The following FGFR2 variants were observed in gnomAD, a reference collection of about 807,000 sequenced individuals.
The protein encoded by FGFR2 is BEK fibroblast growth factor receptor.
FGFR2 carries 19 observed loss-of-function variants against 95.9 expected under a neutral mutation model. That is an observed-to-expected ratio of 0.20 (90% CI 0.14 to 0.29). FGFR2 has a LOEUF of 0.29. Ranked by LOEUF, FGFR2 falls within the 10% of genes least tolerant of loss-of-function variation. FGFR2 has a pLI of 1.00. For missense variants in FGFR2, 707 were observed against 1,056.9 expected, an observed-to-expected ratio of 0.67 and a Z score of 4.59; for synonymous variants, 392 against 393.3, an observed-to-expected ratio of 1.00 and a Z score of 0.04.
At chr10:121,591,682 A>T (rs1162153156) in intron 2 of FGFR2, among the ~76,000 whole-genome samples, 3 of 152,144 alleles carry the variant, frequency 2.0e-5, no homozygotes, top group Admixed American at 2.0e-4. Context: ...TTTCCATCTC[A>T]TAATTCTGGA....
In FGFR2 at chr10:121,592,730, G is replaced by A. The variant is rs565744557; in HGVS notation, c.109+979C>T. Among the ~76,000 whole-genome samples, 3 of 152,258 alleles carry A rather than the reference G, an allele frequency of 2.0e-5. No homozygotes were observed. In the South Asian group the frequency reaches 6.2e-4, roughly 32 times the overall value. ...ACGCACGAGATGTGTTCCCAGAGCA[G>A]CTCAGCTTACCCCAGACACCACTCG... is the stretch of plus-strand genomic sequence containing the variant. On this transcript the variant is annotated intron_variant, in intron 2 of 17. Coordinates refer to ENST00000358487, the MANE Select transcript of FGFR2 (RefSeq NM_000141.5).
intron 5 of FGFR2, among the ~76,000 whole-genome samples, chr10:121,544,881 G>T (rs574873267): frequency 6.6e-6 from 1 of 152,298 alleles, no homozygotes; most frequent in African/African-American, 2.4e-5. Flanking sequence ...AGTGTCTCAA[G>T]CCTGTAATTC....
intron 2 of FGFR2, among the ~76,000 whole-genome samples, chr10:121,572,933 G>A (rs1391832715): frequency 6.6e-6 from 1 of 152,180 alleles, no homozygotes; most frequent in African/African-American, 2.4e-5. Flanking sequence ...CCCCAGGAGG[G>A]GGAAATCTTG....
chr10:121,509,374 C>T (rs998549657), intron 9 of FGFR2, among the ~76,000 whole-genome samples: 5 of 147,508 alleles, frequency 3.4e-5, no homozygotes, highest in Admixed American at 2.7e-4. Flanking sequence ...AGTAAATGTG[C>T]TTTTCGTACA....
intron 7 of FGFR2, among the ~76,000 whole-genome samples, chr10:121,519,482 A>T (rs1306119298): frequency 6.7e-6 from 1 of 148,702 alleles, no homozygotes; most frequent in African/African-American, 2.5e-5. Context: ...TGTTTTTGTT[A>T]AAAAAAAAAT....
intron 2 of FGFR2, among the ~76,000 whole-genome samples, chr10:121,592,711 G>A (rs551907334): frequency 9.9e-5 from 15 of 152,244 alleles, no homozygotes; most frequent in Non-Finnish European, 1.6e-4. Flanking sequence ...CCCCACGCAC[G>A]AGATGTGTTC....
At position 121,586,168 on chromosome 10, in the gene FGFR2, T is replaced by C. The variant is rs554025759; in HGVS notation, c.109+7541A>G. 2.0e-5 allele frequency among the ~76,000 whole-genome samples: 3 copies of C among 152,308 alleles called. No homozygotes were observed. The South Asian group carries it at 6.2e-4, about 32-fold the overall frequency. ...AGGTATACAAATGGGTCACATATAG[T>C]AATATAGGAGCTCAAGGGTTCGAAA... On this transcript the variant is annotated intron_variant, in intron 2 of 17. Transcript: ENST00000358487.
chr10:121,491,997 G>A (rs1421918462), intron 13 of FGFR2, among the ~76,000 whole-genome samples: 1 of 151,748 alleles, frequency 6.6e-6, no homozygotes, highest in Admixed American at 6.6e-5. Context: ...TGGCCAACAT[G>A]GTATGGTAAA....
At position 121,598,047 on chromosome 10, in the gene FGFR2, C is replaced by T. The variant is rs1047111; in HGVS notation, c.-236G>A. 0.79 allele frequency: 313,086 copies of T among 397,782 alleles called. 125,302 individuals are homozygous for T. The highest frequency in any genetic ancestry group is 0.84 in the Non-Finnish European group (189,844 of 225,568). The allele number at this position is 397,782 out of a possible 1,614,324, so 24.6% of individuals were successfully genotyped here. On this transcript the variant is annotated 5_prime_UTR_variant, in exon 1 of 18. Coordinates refer to ENST00000358487, the MANE Select transcript of FGFR2 (RefSeq NM_000141.5). The stretch of plus-strand genomic sequence containing the variant: ...GGAGAAAGCGACGAGCCCGGGGTTG[C>T]GGGGAGCAACTCCAAACGCAGAAGA...
chr10:121,541,667 A>G (rs984545928), intron 5 of FGFR2, among the ~76,000 whole-genome samples: 1 of 152,248 alleles, frequency 6.6e-6, no homozygotes, highest in Non-Finnish European at 1.5e-5. Context: ...AAAGATGCTT[A>G]ACCTCATTAA....
chr10:121,587,788 TTAG>T (rs547213361), intron 2 of FGFR2, among the ~76,000 whole-genome samples: 2 of 152,298 alleles, frequency 1.3e-5, no homozygotes, highest in African/African-American at 4.8e-5. Context: ...TTATATACTG[TTAG>T]TAGGAGTGCA....
intron 16 of FGFR2, among the ~76,000 whole-genome samples, chr10:121,484,309 T>C (rs1455906661): frequency 6.6e-6 from 1 of 152,222 alleles, no homozygotes. Flanking sequence ...AAGTTTTTGA[T>C]GAATTAATCT....
At chr10:121,584,993 A>AT (rs1479083685) in intron 2 of FGFR2, among the ~76,000 whole-genome samples, 2 of 150,042 alleles carry the variant, frequency 1.3e-5, no homozygotes, top group African/African-American at 4.9e-5. Flanking sequence ...AACCGATTCC[A>AT]TAACCCCTCT....
intron 1 of FGFR2, among the ~76,000 whole-genome samples, chr10:121,597,554 G>A (rs1294096719): frequency 1.3e-5 from 2 of 152,232 alleles, no homozygotes; most frequent in Non-Finnish European, 2.9e-5. Context: ...GAAGTTCCCA[G>A]GACACACGGA....
At chr10:121,591,232 G>A (rs974455924) in intron 2 of FGFR2, among the ~76,000 whole-genome samples, 1 of 152,196 alleles carries the variant, frequency 6.6e-6, no homozygotes, top group African/African-American at 2.4e-5. Flanking sequence ...CCTACAGAAA[G>A]CAAACACAGC....
chr10:121,510,638 T>TGGCTACTGA (rs1848931649), intron 9 of FGFR2, among the ~76,000 whole-genome samples: 1 of 152,072 alleles, frequency 6.6e-6, no homozygotes, highest in Admixed American at 6.5e-5. Flanking sequence ...ACCTGAGAAC[T>TGGCTACTGA]GGCTACTGAG....
At chr10:121,515,581 C>T (rs932843284) in intron 8 of FGFR2, among the ~76,000 whole-genome samples, 5 of 151,996 alleles carry the variant, frequency 3.3e-5, no homozygotes, top group Non-Finnish European at 2.9e-5. Context: ...ACAGGGCAGG[C>T]TATGAGGCCA....
chr10:121,504,323 T>A (rs771601947), intron 9 of FGFR2, among the ~76,000 whole-genome samples: 1 of 152,162 alleles, frequency 6.6e-6, no homozygotes, highest in Non-Finnish European at 1.5e-5. Context: ...GGATAATGGA[T>A]CCCCTCTCAG....
chr10:121,483,639 C>T (rs1845042599), intron 17 of FGFR2, 59 bp downstream of exon 17: 1 of 1,239,044 alleles, frequency 8.1e-7, no homozygotes, highest in African/African-American at 1.5e-5. Flanking sequence ...GTGTGTAAAA[C>T]ACTACGCATG....
Sources: allele counts gnomAD v4.1 joint callset (sites outside exome capture counted in the v4.1 genomes callset), GRCh38; gene constraint gnomAD v4.1.1; transcripts MANE v1.5; gene names NCBI Gene and HGNC (gene_info 2026-07-23, HGNC 2026-07-21).